The following SLC16A7 variants were observed in gnomAD, a reference collection of about 807,000 sequenced individuals.
SLC16A7 encodes the protein monocarboxylate transporter 2.
A neutral mutation model predicts 34.9 loss-of-function variants in SLC16A7; 33 were observed. That is an observed-to-expected ratio of 0.94 (90% CI 0.72 to 1.26). The LOEUF (loss-of-function observed/expected upper bound fraction) is 1.26, where lower values mean the gene tolerates loss of function less well. Ranked by LOEUF, SLC16A7 falls within the 50% of genes most tolerant of loss-of-function variation. SLC16A7 has a pLI of 0.00. For missense variants in SLC16A7, 573 were observed against 578.1 expected (o/e 0.99, Z 0.09); for synonymous variants, 201 against 206.6 (o/e 0.97, Z 0.23).
intron 2 of SLC16A7, among the ~76,000 whole-genome samples, chr12:59,704,199 C>CAAAAAAAAACAAAAAAAAAGAAA (rs1873238223): frequency 1.9e-5 from 1 of 51,616 alleles, no homozygotes; most frequent in Non-Finnish European, 4.1e-5. Flanking sequence ...GACTCTGTCT[C>CAAAAAAAAACAAAAAAAAAGAAA]AAAAAAAAAA....
At position 59,775,170 on chromosome 12, in the gene SLC16A7, T is replaced by TTGA. The variant is rs1445212421; in HGVS notation, c.877_879dup (p.Asp293dup). 1 of 1,614,138 alleles carries TTGA rather than the reference T, an allele frequency of 6.2e-7. No individual in the cohort carries two copies. Among genetic ancestry groups the TTGA allele is most frequent in the Non-Finnish European group, 8.5e-7 (1 of 1,180,002 alleles). ...TTTCTGCTATCTGTTATGGCTTTCG[T>TTGA]TGATATGTTTGCTAGGCCTTCTGTA... On this transcript the variant is annotated inframe_insertion, in exon 5 of 6. Transcript: ENST00000547379.
chr12:59,746,901 T>C (rs1186258331), intron 3 of SLC16A7, among the ~76,000 whole-genome samples: 2 of 152,168 alleles, frequency 1.3e-5, no homozygotes, highest in Non-Finnish European at 2.9e-5. Context: ...GTGACGATCA[T>C]AGCTTGCTGC....
chr12:59,669,377 A>G (rs1389064019), intron 2 of SLC16A7, among the ~76,000 whole-genome samples: 1 of 152,114 alleles, frequency 6.6e-6, no homozygotes, highest in African/African-American at 2.4e-5. Flanking sequence ...AAAGTGGGGT[A>G]TATATAGATT....
intron 3 of SLC16A7, among the ~76,000 whole-genome samples, chr12:59,754,175 C>T (rs936632355): frequency 6.6e-6 from 1 of 151,852 alleles, no homozygotes; most frequent in Non-Finnish European, 1.5e-5. Flanking sequence ...AAATTGACAC[C>T]CTAACATATC....
At chr12:59,725,871 A>C (rs1876170966) in intron 3 of SLC16A7, among the ~76,000 whole-genome samples, 1 of 152,032 alleles carries the variant, frequency 6.6e-6, no homozygotes, top group South Asian at 2.1e-4. Context: ...TGTTCTTATT[A>C]TTGTAATTTA....
chr12:59,651,120 G>T (rs1868335714), intron 1 of SLC16A7, among the ~76,000 whole-genome samples: 1 of 152,106 alleles, frequency 6.6e-6, no homozygotes. Flanking sequence ...GTGTGTCTTG[G>T]CTTTGCTCCT....
chr12:59,772,228 G>A (rs747795886), intron 4 of SLC16A7, among the ~76,000 whole-genome samples: 1 of 152,116 alleles, frequency 6.6e-6, no homozygotes, highest in Non-Finnish European at 1.5e-5. Context: ...GAAGCTTACA[G>A]TAATAGTGAT....
rs1450129827 is a variant in SLC16A7 at position 59,774,683 on chromosome 12, C to A, written c.388C>A (p.Pro130Thr). The change falls in exon 5 of 6, where the codon CCC becomes ACC. Residue 130 changes from proline to threonine, a missense_variant. Coordinates refer to ENST00000547379, the MANE Select transcript of SLC16A7 (RefSeq NM_001270623.2). ...TGLGLAFNLQ[P>T]ALTIIGKYFY... Reference sequence around the variant, plus strand: ...TTTAGGTTTAGCCTTCAACCTGCAACCCGCCTTAACCATAATTGGCAAATA... The same window carrying A: ...TTTAGGTTTAGCCTTCAACCTGCAAACCGCCTTAACCATAATTGGCAAATA... 1 of 1,594,436 alleles carries A rather than the reference C, an allele frequency of 6.3e-7. No homozygotes were observed. Among genetic ancestry groups the A allele is most frequent in the South Asian group, 1.1e-5 (1 of 87,234 alleles).
chr12:59,766,688 A>C (rs1040903835), intron 3 of SLC16A7, among the ~76,000 whole-genome samples: 1 of 152,138 alleles, frequency 6.6e-6, no homozygotes, highest in Non-Finnish European at 1.5e-5. Context: ...AGCCCACTTG[A>C]TCATGGTGGA....
chr12:59,667,155 A>T (rs1869274145), intron 2 of SLC16A7, among the ~76,000 whole-genome samples: 1 of 152,212 alleles, frequency 6.6e-6, no homozygotes, highest in Non-Finnish European at 1.5e-5. Context: ...GGGAAAGAAC[A>T]GCCTCCATGA....
chr12:59,605,841 A>G (rs1318288431), intron 1 of SLC16A7, among the ~76,000 whole-genome samples: 1 of 152,192 alleles, frequency 6.6e-6, no homozygotes, highest in Non-Finnish European at 1.5e-5. Flanking sequence ...CTTTGAAGAC[A>G]GATAGATATA....
intron 1 of SLC16A7, among the ~76,000 whole-genome samples, chr12:59,630,547 C>T (rs1245077097): frequency 6.6e-6 from 1 of 151,858 alleles, no homozygotes; most frequent in Admixed American, 6.6e-5. Context: ...CCTCAGAGTG[C>T]TCAAAACAAG....
chr12:59,770,586 G>A (rs756514138), intron 3 of SLC16A7, among the ~76,000 whole-genome samples: 2 of 152,130 alleles, frequency 1.3e-5, no homozygotes, highest in Non-Finnish European at 2.9e-5. Context: ...ATTCAGACAT[G>A]CATAGTCCAT....
chr12:59,754,430 C>T (rs1240409769), intron 3 of SLC16A7, among the ~76,000 whole-genome samples: 1 of 152,018 alleles, frequency 6.6e-6, no homozygotes, highest in African/African-American at 2.4e-5. Context: ...GGGATATCAC[C>T]ACCAATCCCA....
intron 2 of SLC16A7, among the ~76,000 whole-genome samples, chr12:59,695,819 T>A (rs1872220236): frequency 6.6e-6 from 1 of 152,066 alleles, no homozygotes; most frequent in Non-Finnish European, 1.5e-5. Flanking sequence ...ATATTTAAAT[T>A]GAAACAAAGA....
intron 1 of SLC16A7, among the ~76,000 whole-genome samples, chr12:59,638,398 C>G (rs1219778048): frequency 6.6e-6 from 1 of 152,042 alleles, no homozygotes; most frequent in Non-Finnish European, 1.5e-5. Flanking sequence ...CATTTTCATT[C>G]TTTCACTGAC....
intron 3 of SLC16A7, among the ~76,000 whole-genome samples, chr12:59,731,681 T>C (rs908854467): frequency 1.7e-4 from 26 of 152,332 alleles, no homozygotes; most frequent in African/African-American, 6.0e-4. Flanking sequence ...AACATGGTTA[T>C]AGTGCAGCTC....
intron 1 of SLC16A7, among the ~76,000 whole-genome samples, chr12:59,615,150 A>G (rs1380102970): frequency 3.9e-5 from 6 of 152,162 alleles, no homozygotes; most frequent in African/African-American, 1.4e-4. Flanking sequence ...TCCTGGAAGG[A>G]GAGACAGGGC....
In SLC16A7 at chr12:59,681,554, T is replaced by C. The variant is rs115601568; in HGVS notation, c.-30-23218T>C. Among the ~76,000 whole-genome samples, 1,419 of 152,236 alleles carry C rather than the reference T, an allele frequency of 9.3e-3. 18 individuals are homozygous for C. Among genetic ancestry groups the C allele is most frequent in the African/African-American group, 0.032 (1,342 of 41,524 alleles). On this transcript the variant is annotated intron_variant, in intron 2 of 5. Transcript: ENST00000547379. ...TTGTTAGTATTTTTTCCTAACCAAA[T>C]TATTTCCTGTAATAATATTCCTGTT...
Sources: allele counts gnomAD v4.1 joint callset (sites outside exome capture counted in the v4.1 genomes callset), GRCh38; gene constraint gnomAD v4.1.1; transcripts MANE v1.5; gene names NCBI Gene and HGNC (gene_info 2026-07-23, HGNC 2026-07-21).